NBPF8: variants seen among roughly 807,000 people sequenced by gnomAD.
NBPF8 encodes NBPF family member NBPF8.
At chr1:120,449,935 G>A (rs1228433493) in intron 11 of NBPF8, among the ~76,000 whole-genome samples, 1 of 152,142 alleles carries the variant, frequency 6.6e-6, no homozygotes, top group Non-Finnish European at 1.5e-5. Flanking sequence ...AGCATCAAGA[G>A]CAGGGAGTAG....
At chr1:120,442,761 T>C in intron 5 of NBPF8, 1 of 76,432 alleles carries the variant, frequency 1.3e-5, no homozygotes, top group South Asian at 5.3e-5. Flanking sequence ...AGGCTGCCAG[T>C]GACATCCCTC....
chr1:120,448,978 T>G (rs1443510236), intron 10 of NBPF8, among the ~76,000 whole-genome samples: 2 of 50,612 alleles, frequency 4.0e-5, no homozygotes, highest in Non-Finnish European at 7.7e-5. Flanking sequence ...GCAAGAAAAG[T>G]GTAGAAGTGT....
chr1:120,435,603 G>A (rs2101608674), upstream of NBPF8, among the ~76,000 whole-genome samples: 1 of 148,458 alleles, frequency 6.7e-6, no homozygotes, highest in East Asian at 1.9e-4. Flanking sequence ...CAGTACTTTG[G>A]GAGGCCGAGG....
Position 120,465,988 on chromosome 1 carries a change from G to A in NBPF8, n.3579G>A, listed in dbSNP as rs1463299030. ...TGTCTCCTTTTCCAGGCTCAACAGC[G>A]TGCTGATGGAAGTGGAAGAGCCTGA... On this transcript the variant is annotated non_coding_transcript_exon_variant, in exon 25 of 25. Coordinates refer to ENST00000583271, the Ensembl canonical transcript of NBPF8. 3.5e-4 allele frequency: 570 copies of A among 1,611,774 alleles called. 2 individuals are homozygous for A. The highest frequency in any genetic ancestry group is 6.7e-4 in the Middle Eastern group (3 of 4,464).
intron 1 of NBPF8, among the ~76,000 whole-genome samples, chr1:120,424,414 A>G (rs1459881949): frequency 2.0e-5 from 3 of 151,982 alleles, no homozygotes; most frequent in Admixed American, 2.0e-4. Flanking sequence ...TTTTCACATA[A>G]TAATATTTGG....
At chr1:120,415,748 G>A (rs1660418665), upstream of NBPF8, among the ~76,000 whole-genome samples, 4 of 152,206 alleles carry the variant, frequency 2.6e-5, no homozygotes, top group South Asian at 6.2e-4. Context: ...GGCAACACAT[G>A]AGGCGCGTTT....
chr1:120,433,490 G>C (rs1186371378), upstream of NBPF8: 4 of 153,122 alleles, frequency 2.6e-5, no homozygotes, highest in Non-Finnish European at 5.9e-5. Context: ...GGGTATGGGT[G>C]GGGGAAGGTG....
exon 25 of NBPF8, chr1:120,466,273 C>G (rs1239424193): frequency 3.1e-6 from 5 of 1,597,058 alleles, no homozygotes; most frequent in East Asian, 2.2e-5. Flanking sequence ...GACCTATAGG[C>G]GCCTGAAGAT....
chr1:120,469,403 G>T (rs1661851336), downstream of NBPF8, among the ~76,000 whole-genome samples: 1 of 138,978 alleles, frequency 7.2e-6, no homozygotes, highest in South Asian at 2.4e-4. Context: ...CCATCCCAAT[G>T]TTAATCGTAT....
exon 1 of NBPF8, chr1:120,436,689 A>C: frequency 7.4e-7 from 1 of 1,346,484 alleles, no homozygotes; most frequent in South Asian, 1.2e-5. Context: ...AACCGACAGA[A>C]GAAATACAGT....
At chr1:120,449,684 A>G (rs1227659158) in intron 11 of NBPF8, among the ~76,000 whole-genome samples, 2 of 152,154 alleles carry the variant, frequency 1.3e-5, no homozygotes, top group Admixed American at 1.3e-4. Context: ...CAAGAGGCTC[A>G]ATCGTGTTTT....
chr1:120,450,349 C>A (rs1553248628), intron 11 of NBPF8, among the ~76,000 whole-genome samples: 1 of 151,910 alleles, frequency 6.6e-6, no homozygotes, highest in South Asian at 2.1e-4. Flanking sequence ...AGATCCCACC[C>A]GAGAATGTGT....
intron 22 of NBPF8, among the ~76,000 whole-genome samples, 157 bp from the exon 21 acceptor site, chr1:120,464,212 GGCCCTGT>G (rs1661676266): frequency 7.6e-6 from 1 of 130,818 alleles, no homozygotes; most frequent in South Asian, 2.4e-4. Context: ...TTTTCCATTT[GGCCCTGT>G]TCTGTCCCAA....
At position 120,462,792 on chromosome 1, in the gene NBPF8, A is replaced by T; in HGVS notation, n.3062-2A>T. ...ATTCTTTACTTTTTCCTACTTTTCC[A>T]GGCTCAGCAGGGAGCTGCTGGATGA... On this transcript the variant is annotated splice_acceptor_variant and non_coding_transcript_variant, in intron 20 of 24. Coordinates refer to ENST00000583271, the Ensembl canonical transcript of NBPF8. 1.1e-5 allele frequency: 3 copies of T among 285,638 alleles called. No individual in the cohort carries two copies. Among genetic ancestry groups the T allele is most frequent in the Non-Finnish European group, 1.2e-5 (2 of 164,576 alleles). The allele number at this position is 285,638 out of a possible 1,614,324, so 17.7% of individuals were successfully genotyped here.
upstream of NBPF8, among the ~76,000 whole-genome samples, chr1:120,418,071 TG>T (rs1435943156): frequency 2.6e-4 from 7 of 27,306 alleles, 1 homozygote; most frequent in African/African-American, 1.9e-3. Context: ...TGGACCAACC[TG>T]GGCAATATAG....
chr1:120,416,092 C>T (rs1553245156), upstream of NBPF8, among the ~76,000 whole-genome samples: 1 of 152,212 alleles, frequency 6.6e-6, no homozygotes, highest in African/African-American at 2.4e-5. Context: ...CAGTGCTTCA[C>T]GAAGTTAAAG....
chr1:120,459,742 C>A (rs1354125112), intron 17 of NBPF8, among the ~76,000 whole-genome samples: 1 of 152,202 alleles, frequency 6.6e-6, no homozygotes, highest in Non-Finnish European at 1.5e-5. Context: ...TAGTCTCACG[C>A]CATGCCCGTG....
At chr1:120,431,359 AATATATATATATATATATATATATATAT>A (rs869036983), upstream of NBPF8, among the ~76,000 whole-genome samples, 8 of 42,052 alleles carry the variant, frequency 1.9e-4, no homozygotes, top group South Asian at 1.4e-3. Flanking sequence ...CCAAATAGGG[AATATATATATATATATATATATATATAT>A]ATATATATAT....
intron 3 of NBPF8, among the ~76,000 whole-genome samples, chr1:120,430,855 T>C (rs1168955365): frequency 5.4e-5 from 8 of 148,744 alleles, no homozygotes; most frequent in Admixed American, 4.7e-4. Context: ...AAGAACTAAA[T>C]TAGTGGGGAG....
Sources: gnomAD v4.1 joint callset for allele counts (sites outside exome capture counted in the v4.1 genomes callset) on GRCh38, gnomAD v4.1.1 for gene constraint, MANE v1.5 for transcripts, NCBI Gene and HGNC (gene_info 2026-07-23, HGNC 2026-07-21) for gene names.